The following STX8 variants were observed in gnomAD, a reference collection of about 807,000 sequenced individuals.
The protein encoded by STX8 is syntaxin-8.
Under a neutral mutation model 37.5 loss-of-function variants are expected in STX8, and 23 were observed. The observed-to-expected ratio is 0.61, with a 90% confidence interval of 0.44 to 0.87. The LOEUF (loss-of-function observed/expected upper bound fraction) is 0.87, where lower values mean the gene tolerates loss of function less well. Ranked by LOEUF, STX8 falls within the 40% of genes least tolerant of loss-of-function variation. The probability of loss-of-function intolerance (pLI) is 0.00; values close to 1 mark genes in which losing one functional copy is unlikely to be tolerated. For synonymous variants in STX8, 115 were observed against 99.1 expected (o/e 1.16, Z -0.95); for missense variants, 313 against 284.7 (o/e 1.10, Z -0.71).
At chr17:9,485,864 G>A (rs1273623220) in intron 6 of STX8, among the ~76,000 whole-genome samples, 1 of 152,162 alleles carries the variant, frequency 6.6e-6, no homozygotes, top group African/African-American at 2.4e-5. Context: ...GGGATTACAG[G>A]CATAAGCCAC....
At chr17:9,376,871 C>T (rs559193598) in intron 7 of STX8, among the ~76,000 whole-genome samples, 57 of 152,312 alleles carry the variant, frequency 3.7e-4, no homozygotes, top group Middle Eastern at 6.8e-3. Context: ...GAACCAATTC[C>T]GGACACAGTA....
intron 7 of STX8, among the ~76,000 whole-genome samples, chr17:9,276,066 G>A (rs1907665146): frequency 6.7e-6 from 1 of 149,650 alleles, no homozygotes; most frequent in African/African-American, 2.4e-5. Flanking sequence ...CTCTGGCTGA[G>A]GTGTGAGTCA....
chr17:9,256,247 C>G (rs1906792885), intron 7 of STX8, among the ~76,000 whole-genome samples: 1 of 151,896 alleles, frequency 6.6e-6, no homozygotes. Flanking sequence ...TGCCCACACG[C>G]TCACCCTTGT....
At chr17:9,401,978 A>G (rs1355291438) in intron 6 of STX8, among the ~76,000 whole-genome samples, 1 of 152,140 alleles carries the variant, frequency 6.6e-6, no homozygotes, top group Non-Finnish European at 1.5e-5. Context: ...TGAAGGGAAG[A>G]GCTCTGTACC....
intron 4 of STX8, among the ~76,000 whole-genome samples, chr17:9,543,825 C>A (rs1233340308): frequency 6.6e-6 from 1 of 152,162 alleles, no homozygotes; most frequent in African/African-American, 2.4e-5. Context: ...CTAACTGACT[C>A]TTAGGTTCAT....
chr17:9,396,052 T>G (rs1181773654), intron 6 of STX8, among the ~76,000 whole-genome samples: 1 of 152,050 alleles, frequency 6.6e-6, no homozygotes, highest in Non-Finnish European at 1.5e-5. Flanking sequence ...TTTAAAAAAA[T>G]GTAAGCCACA....
At chr17:9,395,568 A>C (rs61506197) in intron 6 of STX8, among the ~76,000 whole-genome samples, 8,258 of 152,266 alleles carry the variant, frequency 0.054, 772 homozygotes, top group African/African-American at 0.19. Context: ...ACGGAGCAAG[A>C]CTGTCTCAAA....
At chr17:9,400,069 G>A (rs1912549211) in intron 6 of STX8, among the ~76,000 whole-genome samples, 1 of 148,344 alleles carries the variant, frequency 6.7e-6, no homozygotes, top group South Asian at 2.1e-4. Context: ...TTCTGCATAG[G>A]CAGTGGAATT....
At chr17:9,445,912 A>ACT (rs561772417) in intron 6 of STX8, among the ~76,000 whole-genome samples, 1 of 141,252 alleles carries the variant, frequency 7.1e-6, no homozygotes, top group South Asian at 2.2e-4. Context: ...ATCTCAGCTC[A>ACT]CTGCAAGCTC....
intron 6 of STX8, among the ~76,000 whole-genome samples, chr17:9,412,083 C>T (rs1478563504): frequency 6.6e-6 from 1 of 152,158 alleles, no homozygotes; most frequent in Non-Finnish European, 1.5e-5. Flanking sequence ...AGTGAGTATT[C>T]AGTCAACTTG....
intron 7 of STX8, among the ~76,000 whole-genome samples, chr17:9,282,723 T>TA (rs1222751492): frequency 1.5e-4 from 23 of 152,296 alleles, no homozygotes; most frequent in Non-Finnish European, 1.5e-4. Flanking sequence ...CCTTCTTCCC[T>TA]ACGAGACACT....
At chr17:9,552,969 G>A (rs1351421210) in intron 3 of STX8, 1 of 152,048 alleles carries the variant, frequency 6.6e-6, no homozygotes, top group Non-Finnish European at 1.5e-5. Context: ...ATTTCCAAAG[G>A]CCTTCTCCCA....
rs1357365277 is a variant in STX8, at chr17:9,380,263, T to C, written c.542-1610A>G. Among the ~76,000 whole-genome samples the C allele has an allele frequency of 2.0e-5, 3 of 146,682 alleles. No individual in the cohort carries two copies. In the East Asian group the frequency reaches 5.9e-4, roughly 29 times the overall value. On this transcript the variant is annotated intron_variant, in intron 6 of 7. Coordinates refer to ENST00000306357, the MANE Select transcript of STX8 (RefSeq NM_004853.3). ...GTTTGAATTTCTGTGTGTTTTTTTT[T>C]TTTTTTTTTTTTTGAGAGAGAGGGT...
intron 6 of STX8, among the ~76,000 whole-genome samples, chr17:9,460,689 C>CA (rs1555529266): frequency 2.4e-3 from 236 of 97,686 alleles, no homozygotes; most frequent in African/African-American, 6.3e-3. Context: ...AAAAAAAAAA[C>CA]AAAACAAAAC....
intron 5 of STX8, among the ~76,000 whole-genome samples, chr17:9,496,385 T>G (rs181529548): frequency 6.6e-6 from 1 of 152,278 alleles, no homozygotes; most frequent in South Asian, 2.1e-4. Flanking sequence ...CACCATGTAC[T>G]TTCTTACCAA....
intron 2 of STX8, 98 bp from the exon 3 acceptor site, chr17:9,557,626 CA>C (rs1907032437): frequency 9.8e-7 from 1 of 1,015,690 alleles, no homozygotes; most frequent in Admixed American, 1.9e-5. Flanking sequence ...ATGATGCAAC[CA>C]AGCAAGGGCT....
At chr17:9,572,364 A>G (rs1233191577) in intron 1 of STX8, among the ~76,000 whole-genome samples, 2 of 152,148 alleles carry the variant, frequency 1.3e-5, no homozygotes, top group African/African-American at 4.8e-5. Context: ...AGCAACACAA[A>G]GGTAAAGCTG....
At chr17:9,416,136 G>T (rs1913183838) in intron 6 of STX8, among the ~76,000 whole-genome samples, 1 of 152,166 alleles carries the variant, frequency 6.6e-6, no homozygotes, top group Non-Finnish European at 1.5e-5. Flanking sequence ...CTGCTTCTCA[G>T]CCCTGGTTGC....
At chr17:9,482,150 TC>T (rs1906376595) in intron 6 of STX8, among the ~76,000 whole-genome samples, 1 of 151,990 alleles carries the variant, frequency 6.6e-6, no homozygotes, top group Non-Finnish European at 1.5e-5. Flanking sequence ...GACACTGCAT[TC>T]CAGCCTGAGC....
Sources: gnomAD v4.1 joint callset for allele counts (sites outside exome capture counted in the v4.1 genomes callset) on GRCh38, gnomAD v4.1.1 for gene constraint, MANE v1.5 for transcripts, NCBI Gene and HGNC (gene_info 2026-07-23, HGNC 2026-07-21) for gene names.